The following SYCP1 variants were observed in gnomAD, a reference collection of about 807,000 sequenced individuals.
The protein encoded by SYCP1 is cancer/testis antigen 8.
SYCP1 carries 64 observed loss-of-function variants against 153.1 expected under a neutral mutation model. The observed-to-expected ratio is 0.42, with a 90% CI of 0.34 to 0.51. SYCP1 has a LOEUF of 0.51. SYCP1 is among the 20% of genes least tolerant of loss of function. SYCP1 has a pLI of 0.06. For missense variants in SYCP1, 997 were observed against 1,049.0 expected, an observed-to-expected ratio of 0.95 and a Z score of 0.68; for synonymous variants, 384 against 341.8, an observed-to-expected ratio of 1.12 and a Z score of -1.36.
chr1:114,947,807 G>A (rs1056097573), intron 27 of SYCP1, among the ~76,000 whole-genome samples: 5 of 61,704 alleles, frequency 8.1e-5, no homozygotes, highest in Middle Eastern at 0.019. Context: ...GCGAGACTCC[G>A]TCTCAAAAAA....
chr1:114,985,934 A>C (rs984413898), intron 30 of SYCP1, among the ~76,000 whole-genome samples: 2 of 151,858 alleles, frequency 1.3e-5, no homozygotes, highest in Non-Finnish European at 2.9e-5. Context: ...AATAAATAAC[A>C]ATTCAGTAGA....
chr1:114,982,428 CT>C (rs1160147775), intron 29 of SYCP1, among the ~76,000 whole-genome samples: 1 of 151,560 alleles, frequency 6.6e-6, no homozygotes, highest in Non-Finnish European at 1.5e-5. Flanking sequence ...CATTTTTTTT[CT>C]ATTCCATATC....
chr1:114,953,163 A>G (rs993147753), intron 27 of SYCP1, among the ~76,000 whole-genome samples: 1 of 152,230 alleles, frequency 6.6e-6, no homozygotes, highest in Admixed American at 6.5e-5. Context: ...ACTTCCTAAC[A>G]ATGCCACAAT....
chr1:114,931,948 A>T (rs1264241396), intron 23 of SYCP1, among the ~76,000 whole-genome samples: 1 of 152,220 alleles, frequency 6.6e-6, no homozygotes, highest in Non-Finnish European at 1.5e-5. Flanking sequence ...ATGCAAAAAA[A>T]TTCAATGGAG....
chr1:114,901,187 A>G (rs1220765474), intron 16 of SYCP1, among the ~76,000 whole-genome samples: 1 of 152,210 alleles, frequency 6.6e-6, no homozygotes, highest in East Asian at 1.9e-4. Context: ...TGAGGATAGC[A>G]GAGGTCTCTC....
intron 27 of SYCP1, among the ~76,000 whole-genome samples, chr1:114,966,471 T>C (rs1672134605): frequency 1.3e-5 from 2 of 152,324 alleles, no homozygotes; most frequent in South Asian, 4.1e-4. Context: ...CACTTTCTGA[T>C]GTGGGCATTT....
At chr1:114,980,344 G>A (rs1322134139) in intron 28 of SYCP1, among the ~76,000 whole-genome samples, 1 of 151,866 alleles carries the variant, frequency 6.6e-6, no homozygotes, top group African/African-American at 2.4e-5. Context: ...GTTAGGTCAG[G>A]TGCTAAAAGA....
At chr1:114,950,002 T>C (rs1670988844) in intron 27 of SYCP1, among the ~76,000 whole-genome samples, 1 of 152,192 alleles carries the variant, frequency 6.6e-6, no homozygotes, top group South Asian at 2.1e-4. Flanking sequence ...TATAAAAAAT[T>C]TGGGCTTGTG....
intron 23 of SYCP1, among the ~76,000 whole-genome samples, chr1:114,936,627 A>G (rs946243327): frequency 6.6e-6 from 1 of 152,204 alleles, no homozygotes; most frequent in African/African-American, 2.4e-5. Flanking sequence ...CTGTTTGCAG[A>G]TGACATGATT....
intron 30 of SYCP1, among the ~76,000 whole-genome samples, chr1:114,994,402 C>T (rs919052809): frequency 1.3e-5 from 2 of 151,370 alleles, no homozygotes; most frequent in Admixed American, 6.6e-5. Flanking sequence ...TAGAGAAATG[C>T]TACTCGCTAT....
intron 16 of SYCP1, among the ~76,000 whole-genome samples, chr1:114,896,526 A>G (rs984277910): frequency 2.0e-5 from 3 of 152,102 alleles, no homozygotes; most frequent in Non-Finnish European, 4.4e-5. Flanking sequence ...TATTTTTGGT[A>G]TTATTATTTA....
chr1:114,857,167 GAAAA>G (rs1374529723), intron 3 of SYCP1, 61 bp from the exon 4 acceptor site: 3 of 562,438 alleles, frequency 5.3e-6, no homozygotes, highest in Non-Finnish European at 2.6e-6. Flanking sequence ...AGAGAAAAAA[GAAAA>G]AAAAAAAGAA....
At chr1:114,856,896 G>A (rs1434250994) in intron 3 of SYCP1, among the ~76,000 whole-genome samples, 1 of 104,390 alleles carries the variant, frequency 9.6e-6, no homozygotes, top group Admixed American at 1.4e-4. Flanking sequence ...ACCAGCCTGG[G>A]CAACATAAGG....
chr1:114,886,708 C>T (rs1666330766), intron 14 of SYCP1, among the ~76,000 whole-genome samples: 1 of 152,074 alleles, frequency 6.6e-6, no homozygotes, highest in East Asian at 1.9e-4. Flanking sequence ...AATTTAGCAG[C>T]TAGCCTGGCA....
chr1:114,884,938 A>T (rs537428326), intron 12 of SYCP1, among the ~76,000 whole-genome samples: 1 of 152,250 alleles, frequency 6.6e-6, no homozygotes, highest in Non-Finnish European at 1.5e-5. Context: ...AGTACCTGAG[A>T]CTTAGTATTT....
chr1:114,906,107 A>G (rs1308026841), intron 16 of SYCP1, among the ~76,000 whole-genome samples: 3 of 151,986 alleles, frequency 2.0e-5, no homozygotes, highest in African/African-American at 7.3e-5. Context: ...CTGGGATTAT[A>G]GGCATGCACT....
At chr1:114,859,443 C>T (rs2101287991) in intron 6 of SYCP1, among the ~76,000 whole-genome samples, 4 of 152,244 alleles carry the variant, frequency 2.6e-5, no homozygotes, top group Middle Eastern at 6.8e-3. Flanking sequence ...GAAAATGTGA[C>T]ATTGTATTAG....
At chr1:114,940,271 A>AT (rs567650678) in intron 23 of SYCP1, among the ~76,000 whole-genome samples, 132 of 151,798 alleles carry the variant, frequency 8.7e-4, no homozygotes, top group Non-Finnish European at 1.0e-3. Flanking sequence ...TAATTTTTGT[A>AT]TTTTTAGTAG....
At chr1:114,903,858 T>G (rs1334753604) in intron 16 of SYCP1, among the ~76,000 whole-genome samples, 1 of 152,162 alleles carries the variant, frequency 6.6e-6, no homozygotes, top group Non-Finnish European at 1.5e-5. Context: ...CTTTCTCCAT[T>G]GAATTGCTTT....
Sources: gnomAD v4.1 joint callset for allele counts (sites outside exome capture counted in the v4.1 genomes callset) on GRCh38, gnomAD v4.1.1 for gene constraint, MANE v1.5 for transcripts, NCBI Gene and HGNC (gene_info 2026-07-23, HGNC 2026-07-21) for gene names.